MRC1: variants seen among roughly 807,000 people sequenced by gnomAD.
MRC1 encodes the protein macrophage mannose receptor 1.
A neutral mutation model predicts 102.9 loss-of-function variants in MRC1; 62 were observed. The ratio of observed to expected loss-of-function variants is 0.60; its 90% CI spans 0.49 to 0.74. MRC1 has a LOEUF of 0.74. Ranked by LOEUF, MRC1 falls within the 30% of genes least tolerant of loss-of-function variation. MRC1 has a pLI of 0.00. For missense variants in MRC1, 1,237 were observed against 862.8 expected, an observed-to-expected ratio of 1.43 and a Z score of -5.43; for synonymous variants, 457 against 298.4, an observed-to-expected ratio of 1.53 and a Z score of -5.48.
chr10:17,823,256 G>C lies in MRC1; in HGVS notation c.244G>C (p.Asp82His). The change falls in exon 2 of 30, where the codon GAC becomes CAC. Residue 82 changes from aspartate to histidine, a missense_variant. Coordinates refer to ENST00000569591, the MANE Select transcript of MRC1 (RefSeq NM_002438.4). ...ATGCCTGGGAGTGCCATCAAAAACG[G>C]ACTGGGTTGCTATCACTCTCTATGC... ...KLCLGVPSKT[D>H]WVAITLYACD... 3.8e-6 allele frequency: 3 copies of C among 780,576 alleles called. No homozygotes were observed. In the East Asian group the frequency reaches 7.3e-5, roughly 19 times the overall value. 48.4% of individuals were successfully genotyped at this position (780,576 alleles called of 1,614,324 possible). A position where few individuals can be genotyped will look rare whatever the true frequency, so the allele number is the denominator to read the frequency against.
chr10:17,829,564 T>C (rs1838537659), intron 3 of MRC1, among the ~76,000 whole-genome samples: 1 of 151,542 alleles, frequency 6.6e-6, no homozygotes, highest in Non-Finnish European at 1.5e-5. Flanking sequence ...TTTTTAGATG[T>C]CGAATTTTGT....
intron 1 of MRC1, among the ~76,000 whole-genome samples, chr10:17,817,939 C>A (rs1838337765): frequency 6.6e-6 from 1 of 152,160 alleles, no homozygotes; most frequent in African/African-American, 2.4e-5. Flanking sequence ...AAATGACATG[C>A]TGATTACTTG....
At position 17,821,313 on chromosome 10, in the gene MRC1, C is replaced by G. The variant is rs572785590; in HGVS notation, c.62-1761C>G. 9.1e-3 allele frequency among the ~76,000 whole-genome samples: 1,381 copies of G among 152,178 alleles called. 16 individuals are homozygous for G. Among genetic ancestry groups the G allele is most frequent in the African/African-American group, 0.031 (1,298 of 41,502 alleles). On this transcript the variant is annotated intron_variant, in intron 1 of 29. Coordinates refer to ENST00000569591, the MANE Select transcript of MRC1 (RefSeq NM_002438.4). ...TTTCTCATTCTTGGCACCATCATCC[C>G]CCAAGATCCATGAGCTAAAAACCTA...
At chr10:17,856,099 G>C in intron 8 of MRC1, 143 bp from the exon 9 acceptor site, 1 of 664,312 alleles carries the variant, frequency 1.5e-6, no homozygotes. Flanking sequence ...GAACCTGGGA[G>C]GCAGAGGTTG....
At chr10:17,811,785 C>T (rs1222994831) in intron 1 of MRC1, among the ~76,000 whole-genome samples, 2 of 151,992 alleles carry the variant, frequency 1.3e-5, no homozygotes, top group African/African-American at 4.8e-5. Flanking sequence ...TGGGGTCTCA[C>T]TATCTTGCTC....
intron 20 of MRC1, 26 bp from the exon 21 acceptor site, chr10:17,881,041 T>C: frequency 1.3e-6 from 1 of 780,174 alleles, no homozygotes; most frequent in African/African-American, 1.7e-5. Context: ...GTTTTTCTTT[T>C]TTTCTCTGCC....
At chr10:17,827,384 A>C (rs1589166390) in intron 2 of MRC1, among the ~76,000 whole-genome samples, 158 bp from the exon 3 acceptor site, 3 of 40,096 alleles carry the variant, frequency 7.5e-5, no homozygotes, top group African/African-American at 1.2e-4. Context: ...AAAAAAAAAA[A>C]AAAAAAAAAA....
intron 8 of MRC1, among the ~76,000 whole-genome samples, chr10:17,853,643 A>G (rs1589179105): frequency 6.6e-6 from 1 of 151,478 alleles, no homozygotes; most frequent in African/African-American, 2.4e-5. Context: ...CCCCGTATAT[A>G]TGTGAGAGAT....
intron 1 of MRC1, among the ~76,000 whole-genome samples, chr10:17,818,356 G>A (rs1319627227): frequency 6.6e-6 from 1 of 152,222 alleles, no homozygotes; most frequent in Admixed American, 6.5e-5. Context: ...CACTAAATCA[G>A]AAAGATCAAG....
chr10:17,840,863 C>T (rs506524), intron 5 of MRC1, 57 bp downstream of exon 5: 437,020 of 779,812 alleles, frequency 0.56, 123,420 homozygotes, highest in South Asian at 0.62. Context: ...CTAGACGCCC[C>T]GAAGACGTTT....
chr10:17,874,508 T>G (rs1358501363), intron 16 of MRC1, among the ~76,000 whole-genome samples: 3 of 152,190 alleles, frequency 2.0e-5, no homozygotes, highest in African/African-American at 7.2e-5. Flanking sequence ...AGTCCCATTT[T>G]CCATGTAAGC....
intron 16 of MRC1, 50 bp from the exon 17 acceptor site, chr10:17,875,040 C>G: frequency 1.3e-6 from 1 of 780,628 alleles, no homozygotes; most frequent in Non-Finnish European, 2.4e-6. Context: ...ACACCAGATT[C>G]TTGAATTTGT....
chr10:17,849,895 T>C (rs1838888076), intron 7 of MRC1, 131 bp downstream of exon 7: 5 of 600,798 alleles, frequency 8.3e-6, no homozygotes, highest in Non-Finnish European at 1.5e-5. Context: ...GAACAACGTA[T>C]GAATTTAATC....
chr10:17,851,668 G>T (rs1014333040), intron 7 of MRC1, among the ~76,000 whole-genome samples: 1 of 152,172 alleles, frequency 6.6e-6, no homozygotes, highest in South Asian at 2.1e-4. Flanking sequence ...GTTTTTCTTT[G>T]ATCTTCAATT....
At chr10:17,849,316 A>AG (rs1269527689) in intron 6 of MRC1, among the ~76,000 whole-genome samples, 26 of 151,134 alleles carry the variant, frequency 1.7e-4, no homozygotes, top group African/African-American at 3.9e-4. Flanking sequence ...AAAAAAAAAA[A>AG]AAAGAAAGAA....
chr10:17,812,481 G>A (rs1838238615), intron 1 of MRC1, among the ~76,000 whole-genome samples: 1 of 151,702 alleles, frequency 6.6e-6, no homozygotes, highest in South Asian at 2.1e-4. Context: ...TGATGTCCAT[G>A]CTGTAAATAT....
intron 28 of MRC1, among the ~76,000 whole-genome samples, chr10:17,909,004 C>T (rs1248431628): frequency 6.6e-6 from 1 of 152,164 alleles, no homozygotes; most frequent in Non-Finnish European, 1.5e-5. Context: ...ATCAGTGGCT[C>T]AAATGTAACT....
chr10:17,867,397 CCTT>C (rs1191677622), intron 12 of MRC1, among the ~76,000 whole-genome samples: 5 of 122,106 alleles, frequency 4.1e-5, no homozygotes, highest in East Asian at 4.1e-4. Flanking sequence ...TCCTTCTTCT[CCTT>C]CTTCTTCTTC....
chr10:17,875,544 C>T (rs375403892), intron 17 of MRC1, among the ~76,000 whole-genome samples: 48,236 of 151,998 alleles, frequency 0.32, 7,785 homozygotes, highest in Admixed American at 0.4. Flanking sequence ...AGTTACTTCC[C>T]TTAGAATAAT....
Sources: allele counts gnomAD v4.1 joint callset (sites outside exome capture counted in the v4.1 genomes callset), GRCh38; gene constraint gnomAD v4.1.1; transcripts MANE v1.5; gene names NCBI Gene and HGNC (gene_info 2026-07-23, HGNC 2026-07-21).